Variants in DEAF1 observed in about 807,000 individuals in gnomAD.
DEAF1 encodes deformed epidermal autoregulatory factor 1 homolog.
Under a neutral mutation model 58.9 loss-of-function variants are expected in DEAF1, and 53 were observed. That is an observed-to-expected ratio of 0.90 (90% confidence interval 0.72 to 1.13). DEAF1 has a LOEUF of 1.13. Among genes scored for constraint, DEAF1 ranks in the 50% most tolerant of loss-of-function variants. DEAF1 has a pLI of 0.00. For missense variants in DEAF1, 685 were observed against 791.4 expected (o/e 0.87, Z 1.61); for synonymous variants, 385 against 340.4 (o/e 1.13, Z -1.44).
At chr11:684,277 G>A (rs563454369) in intron 6 of DEAF1, among the ~76,000 whole-genome samples, 1 of 152,160 alleles carries the variant, frequency 6.6e-6, no homozygotes, top group African/African-American at 2.4e-5. Context: ...AATTAGCTGG[G>A]CATTGTGGCA....
upstream of DEAF1, among the ~76,000 whole-genome samples, chr11:697,016 G>C (rs955906116): frequency 2.4e-4 from 35 of 148,486 alleles, no homozygotes; most frequent in Non-Finnish European, 4.4e-4. Context: ...TGGTGGTGGT[G>C]GGGGGGGTGG....
intron 10 of DEAF1, among the ~76,000 whole-genome samples, chr11:662,322 C>CCAAGA (rs1445453256): frequency 5.3e-5 from 8 of 152,280 alleles, no homozygotes; most frequent in African/African-American, 9.6e-5. Context: ...AATGTGTGGC[C>CCAAGA]CAATTCCTCT....
intron 2 of DEAF1, among the ~76,000 whole-genome samples, chr11:689,496 C>T (rs139531525): frequency 0.011 from 1,692 of 152,184 alleles, 23 homozygotes; most frequent in African/African-American, 0.038. Flanking sequence ...CAGGCAGGAG[C>T]CACCGCGCCC....
At chr11:649,715 G>C (rs931943266) in intron 11 of DEAF1, among the ~76,000 whole-genome samples, 1 of 150,862 alleles carries the variant, frequency 6.6e-6, no homozygotes, top group Non-Finnish European at 1.5e-5. Flanking sequence ...GTGATACTCT[G>C]TCTCAATTCA....
intron 10 of DEAF1, among the ~76,000 whole-genome samples, chr11:665,176 G>A (rs1380346285): frequency 4.1e-5 from 5 of 122,194 alleles, no homozygotes; most frequent in Non-Finnish European, 5.5e-5. Flanking sequence ...TTCACACCGA[G>A]AGGAGAAGGA....
chr11:685,082 C>CTTTTTTTTTTTTTTTTTTT (rs55670454), intron 5 of DEAF1, 119 bp from the exon 6 acceptor site: 2 of 296,136 alleles, frequency 6.8e-6, no homozygotes, highest in African/African-American at 3.0e-5. Flanking sequence ...TATAAAAATT[C>CTTTTTTTTTTTTTTTTTTT]TTTTTTTTTT....
chr11:653,473 GAA>G (rs1858888865), intron 11 of DEAF1, among the ~76,000 whole-genome samples: 1 of 138,146 alleles, frequency 7.2e-6, no homozygotes, highest in Non-Finnish European at 1.5e-5. Flanking sequence ...CTCAATAATA[GAA>G]GAACTGTGGA....
upstream of DEAF1, among the ~76,000 whole-genome samples, chr11:698,459 A>C (rs1473098221): frequency 6.6e-6 from 1 of 152,228 alleles, no homozygotes; most frequent in Non-Finnish European, 1.5e-5. Flanking sequence ...ATTTGTTACA[A>C]CCTAAGTCAG....
chr11:700,302 G>A (rs1398093694), intron 1 of DEAF1: 19 of 1,417,196 alleles, frequency 1.3e-5, no homozygotes, highest in South Asian at 3.5e-5. Flanking sequence ...TGAGGTGGGC[G>A]GATCACTTGA....
chr11:685,074 T>TA, intron 5 of DEAF1, 111 bp from the exon 6 acceptor site: 2 of 563,246 alleles, frequency 3.6e-6, no homozygotes, highest in Non-Finnish European at 6.0e-6. Context: ...TTCATAAATA[T>TA]AAAAATTCTT....
rs764189923 is a variant in DEAF1, at chr11:687,997, T to G, written c.578A>C (p.Asn193Thr). The change falls in exon 4 of 12, where the codon AAC becomes ACC. Residue 193 changes from asparagine (N) to threonine (T), a missense_variant. Around this residue, in one of 3 missense-constraint regions of DEAF1, gnomAD observed 132 missense variants for 234.3 expected, o/e 0.56. Coordinates refer to ENST00000382409, the MANE Select transcript of DEAF1 (RefSeq NM_021008.4). Reference protein sequence around the residue: ...PGQEKGGTKYNWDPSVYDSEL... With the variant: ...PGQEKGGTKYTWDPSVYDSEL... The stretch of plus-strand genomic sequence containing the variant: ...ACTGTCGTACACAGAAGGGTCCCAG[T>G]TGTATTTAGTTCCACCTTTTTCTTG... The G allele has an allele frequency of 6.2e-7, 1 of 1,614,092 alleles. No individual in the cohort carries two copies.
intron 1 of DEAF1, among the ~76,000 whole-genome samples, chr11:693,854 C>A (rs944287915): frequency 6.6e-6 from 1 of 152,222 alleles, no homozygotes; most frequent in South Asian, 2.1e-4. Context: ...CCACAGCAGC[C>A]TCCCCAAAGG....
At chr11:700,821 A>T in intron 1 of DEAF1, 1 of 1,000,238 alleles carries the variant, frequency 1.0e-6, no homozygotes, top group Non-Finnish European at 1.6e-6. Flanking sequence ...TTTTTATCCA[A>T]ACTGCTTACC....
intron 11 of DEAF1, among the ~76,000 whole-genome samples, chr11:648,491 A>G (rs896327397): frequency 3.3e-5 from 5 of 152,140 alleles, no homozygotes; most frequent in African/African-American, 1.2e-4. Context: ...CACCGTGCCC[A>G]GCTGAAGGCA....
rs968666286 is a variant in DEAF1 at position 658,044 on chromosome 11, G to A, written c.1504-3993C>T. Reference sequence around the variant, plus strand: ...GTGGGCTTTGAAGTTACAGAGGGGAGGCTGCGGAGTGGCAGAAGGGACCCT... The same window carrying A: ...GTGGGCTTTGAAGTTACAGAGGGGAAGCTGCGGAGTGGCAGAAGGGACCCT... On this transcript the variant is annotated intron_variant, in intron 10 of 11. Transcript: ENST00000382409. 7.9e-5 allele frequency among the ~76,000 whole-genome samples: 12 copies of A among 152,300 alleles called. No homozygotes were observed. In the East Asian group the frequency reaches 2.1e-3, roughly 27 times the overall value.
Position 654,030 on chromosome 11 carries a change from G to A in DEAF1, c.1525C>T (p.Arg509Trp), listed in dbSNP as rs368021470. The A allele has an allele frequency of 2.3e-5, 37 of 1,613,578 alleles. No individual in the cohort carries two copies. The highest frequency in any genetic ancestry group is 2.8e-5 in the Non-Finnish European group (33 of 1,179,964). ...RKEQSCVNCG[R>W]EAMSECTGCH... ...CCGGTGCACTCGCTCATAGCCTCCC[G>A]GCCGCAGTTAACGCAGGACTGCTGC... Residue 509 changes from arginine (R) to tryptophan (W), a missense_variant, in exon 11 of 12, where the codon CGG becomes TGG. Coordinates refer to ENST00000382409, the MANE Select transcript of DEAF1 (RefSeq NM_021008.4).
intron 2 of DEAF1, among the ~76,000 whole-genome samples, chr11:689,306 C>T (rs1177247521): frequency 3.3e-5 from 5 of 149,826 alleles, no homozygotes; most frequent in Admixed American, 2.0e-4. Flanking sequence ...CCCGGGTTCA[C>T]GCTATTGTCC....
chr11:700,798 T>C, intron 1 of DEAF1: 1 of 1,230,426 alleles, frequency 8.1e-7, no homozygotes, highest in Non-Finnish European at 1.2e-6. Context: ...TATAGTGTGG[T>C]TCTCAGAGAC....
At chr11:683,455 C>T (rs1860458170) in intron 6 of DEAF1, among the ~76,000 whole-genome samples, 1 of 152,178 alleles carries the variant, frequency 6.6e-6, no homozygotes, top group Non-Finnish European at 1.5e-5. Context: ...TGACCCAGAT[C>T]GTGGGGTCTC....
Sources: gnomAD v4.1 joint callset for allele counts (sites outside exome capture counted in the v4.1 genomes callset) on GRCh38, gnomAD v4.1.1 for gene constraint, gnomAD v4.1.1 regional missense constraint, MANE v1.5 for transcripts, NCBI Gene and HGNC (gene_info 2026-07-23, HGNC 2026-07-21) for gene names.